Variants in MYO3A observed in about 807,000 individuals in gnomAD.
MYO3A encodes the protein myosin IIIA.
MYO3A carries 180 observed loss-of-function variants against 192.7 expected under a neutral mutation model. That is an observed-to-expected ratio of 0.93 (90% CI 0.83 to 1.06). MYO3A has a LOEUF of 1.06. MYO3A is among the 50% of genes least tolerant of loss of function. The pLI, the probability that MYO3A is intolerant of heterozygous loss-of-function variation, is 0.00. For missense variants in MYO3A, 1,896 were observed against 1,905.0 expected (o/e 1.00, Z 0.09); for synonymous variants, 628 against 645.3 (o/e 0.97, Z 0.41).
intron 4 of MYO3A, among the ~76,000 whole-genome samples, chr10:25,985,875 G>T (rs544164670): frequency 6.6e-6 from 1 of 152,208 alleles, no homozygotes; most frequent in South Asian, 2.1e-4. Flanking sequence ...ACCAAAACCA[G>T]GGTAGGACAT....
intron 15 of MYO3A, among the ~76,000 whole-genome samples, chr10:26,092,052 G>A (rs141185360): frequency 0.011 from 1,655 of 152,318 alleles, 17 homozygotes; most frequent in Non-Finnish European, 0.017. Context: ...GCAGGTAGGT[G>A]GCAAGAGGAG....
intron 31 of MYO3A, among the ~76,000 whole-genome samples, chr10:26,185,159 CT>C (rs1226186433): frequency 1.2e-4 from 19 of 152,046 alleles, no homozygotes; most frequent in Non-Finnish European, 1.9e-4. Context: ...AGCCCTCTGG[CT>C]TTAGATTATC....
intron 14 of MYO3A, among the ~76,000 whole-genome samples, chr10:26,075,563 AAT>A (rs1214396486): frequency 1.1e-4 from 15 of 136,408 alleles, no homozygotes; most frequent in East Asian, 2.0e-4. Context: ...CACTTACAGT[AAT>A]AGTCTCTCAT....
intron 20 of MYO3A, among the ~76,000 whole-genome samples, chr10:26,134,286 T>C (rs1839721812): frequency 6.6e-6 from 1 of 152,174 alleles, no homozygotes; most frequent in Non-Finnish European, 1.5e-5. Flanking sequence ...ATATTCTGAA[T>C]TAATGACTTG....
At chr10:26,040,521 T>C (rs927599277) in intron 10 of MYO3A, among the ~76,000 whole-genome samples, 1 of 152,170 alleles carries the variant, frequency 6.6e-6, no homozygotes, top group African/African-American at 2.4e-5. Flanking sequence ...CAGAATGCTA[T>C]AAATAGAATG....
chr10:26,069,788 T>A (rs1201214921), intron 12 of MYO3A, among the ~76,000 whole-genome samples: 1 of 152,092 alleles, frequency 6.6e-6, no homozygotes, highest in African/African-American at 2.4e-5. Context: ...GATCGTCTTA[T>A]TTTTAATGTA....
chr10:26,131,908 C>G (rs1839556966), intron 20 of MYO3A, among the ~76,000 whole-genome samples: 1 of 152,086 alleles, frequency 6.6e-6, no homozygotes, highest in Non-Finnish European at 1.5e-5. Flanking sequence ...AAGACTCAAC[C>G]CCTTCTAAAT....
intron 14 of MYO3A, among the ~76,000 whole-genome samples, chr10:26,084,996 G>C (rs752818404): frequency 6.6e-6 from 1 of 152,016 alleles, no homozygotes; most frequent in Non-Finnish European, 1.5e-5. Flanking sequence ...ATTTTGGTAG[G>C]TTGTATTTTT....
chr10:26,061,849 C>T (rs1250981788), intron 10 of MYO3A, among the ~76,000 whole-genome samples: 1 of 115,150 alleles, frequency 8.7e-6, no homozygotes, highest in Non-Finnish European at 2.1e-5. Flanking sequence ...CCAAATGGGT[C>T]CATAAAAACA....
rs74619702 is a variant in MYO3A, at chr10:26,085,808, G to T, written c.1360-2395G>T. 7.2e-5 allele frequency among the ~76,000 whole-genome samples: 11 copies of T among 152,330 alleles called. No homozygotes were observed. The East Asian group carries it at 2.1e-3, about 29-fold the overall frequency. On this transcript the variant is annotated intron_variant, in intron 14 of 34. Transcript: ENST00000642920. ...CACAGTAGTGAGAGAGGTTGCTGGG[G>T]TATCTTGCTTACCTTTTCCTTGCAG... is the stretch of plus-strand genomic sequence containing the variant.
intron 26 of MYO3A, 150 bp from the exon 27 acceptor site, chr10:26,165,917 G>A (rs932811531): frequency 3.7e-5 from 28 of 763,246 alleles, no homozygotes; most frequent in African/African-American, 2.6e-4. Context: ...GGTCTACTCC[G>A]AAGTTGTTCT....
Position 26,116,818 on chromosome 10 carries a change from C to T in MYO3A, c.1777-3858C>T, listed in dbSNP as rs1296502041. 5.3e-5 allele frequency among the ~76,000 whole-genome samples: 8 copies of T among 152,096 alleles called. No homozygotes were observed. The South Asian group carries it at 6.2e-4, about 12-fold the overall frequency. On this transcript the variant is annotated intron_variant, in intron 17 of 34. Transcript: ENST00000642920. ...AGGATGTTTAGCAGCACCCTTGATC[C>T]CTACTCCATAGATGCCAGTAGCACT...
intron 20 of MYO3A, among the ~76,000 whole-genome samples, chr10:26,136,067 C>T (rs10508713): frequency 0.097 from 14,760 of 151,934 alleles, 789 homozygotes; most frequent in Non-Finnish European, 0.12. Flanking sequence ...AGTAGGCACT[C>T]CTCGAACATT....
chr10:26,104,797 A>G (rs1372388620), intron 17 of MYO3A, among the ~76,000 whole-genome samples: 6 of 151,536 alleles, frequency 4.0e-5, no homozygotes, highest in Non-Finnish European at 8.8e-5. Flanking sequence ...CTCCTCCCCT[A>G]GTTAATGGAT....
At chr10:26,165,633 A>G (rs1476390484) in intron 26 of MYO3A, among the ~76,000 whole-genome samples, 1 of 152,186 alleles carries the variant, frequency 6.6e-6, no homozygotes, top group Non-Finnish European at 1.5e-5. Context: ...CACTGGAATT[A>G]AGCTCCATCA....
At chr10:25,945,820 T>G (rs897260516) in intron 2 of MYO3A, among the ~76,000 whole-genome samples, 4 of 152,128 alleles carry the variant, frequency 2.6e-5, no homozygotes, top group Admixed American at 1.3e-4. Flanking sequence ...TGTTACTCAT[T>G]TCCTCTAATA....
Position 26,021,615 on chromosome 10 carries a change from T to C in MYO3A, c.698T>C (p.Leu233Pro). 1 of 1,614,120 alleles carries C rather than the reference T, an allele frequency of 6.2e-7. No individual in the cohort carries two copies. Among genetic ancestry groups the C allele is most frequent in the Non-Finnish European group, 8.5e-7 (1 of 1,179,988 alleles). The change falls in exon 8 of 35, where the codon CTT becomes CCT. Residue 233 changes from leucine to proline, a missense_variant. Physicochemically the swap from Leu to Pro is moderately conservative, Grantham distance 98 (BLOSUM62 -3). Coordinates refer to ENST00000642920, the MANE Select transcript of MYO3A (RefSeq NM_017433.5). ...LGDGDPPLADLHPMRALFKIP... is the reference protein window; with the variant it reads ...LGDGDPPLADPHPMRALFKIP... ...GATGGAGATCCTCCACTAGCTGACC[T>C]TCATCCCATGAGAGCACTCTTCAAA...
chr10:26,192,864 A>G (rs1843217505), intron 31 of MYO3A, among the ~76,000 whole-genome samples: 1 of 152,058 alleles, frequency 6.6e-6, no homozygotes, highest in African/African-American at 2.4e-5. Flanking sequence ...TCAGTTGGCC[A>G]GGCTGGTCTC....
chr10:26,131,334 G>T (rs1839521079), intron 20 of MYO3A, among the ~76,000 whole-genome samples: 1 of 125,064 alleles, frequency 8.0e-6, no homozygotes, highest in Non-Finnish European at 1.8e-5. Context: ...AAAAGATCAA[G>T]AAACTACAGT....
Sources: allele counts gnomAD v4.1 joint callset (sites outside exome capture counted in the v4.1 genomes callset), GRCh38; gene constraint gnomAD v4.1.1; transcripts MANE v1.5; gene names NCBI Gene and HGNC (gene_info 2026-07-23, HGNC 2026-07-21).